Variants in CCDC191 observed in about 807,000 individuals in gnomAD.
The protein encoded by CCDC191 is coiled-coil domain containing 191, also known as coiled-coil domain-containing protein 191.
CCDC191 carries 99 observed loss-of-function variants against 114.0 expected under a neutral mutation model. The observed-to-expected ratio is 0.87, with a 90% CI of 0.74 to 1.03. The LOEUF is 1.03. CCDC191 is among the 50% of genes least tolerant of loss of function. The probability of loss-of-function intolerance (pLI) is 0.00; values close to 1 mark genes in which losing one functional copy is unlikely to be tolerated. For synonymous variants in CCDC191, 351 were observed against 376.0 expected (o/e 0.93, Z 0.77); for missense variants, 973 against 1,087.0 (o/e 0.90, Z 1.47).
chr3:114,048,757 G>A (rs1042388076), intron 2 of CCDC191, among the ~76,000 whole-genome samples: 3 of 152,098 alleles, frequency 2.0e-5, no homozygotes, highest in African/African-American at 7.2e-5. Flanking sequence ...CCATCTTATC[G>A]TATATTTAAT....
At chr3:114,002,853 A>T (rs1430570664) in intron 11 of CCDC191, 7 of 975,254 alleles carry the variant, frequency 7.2e-6, no homozygotes, top group Non-Finnish European at 8.5e-6. Flanking sequence ...TGAAACCCAG[A>T]AACCAGAATT....
chr3:114,004,317 T>A, intron 11 of CCDC191: 1 of 1,002,174 alleles, frequency 1.0e-6, no homozygotes, highest in Non-Finnish European at 1.2e-6. Flanking sequence ...TTACTCAGAG[T>A]TTTCTCATTT....
rs1314005537 is a variant in CCDC191, at chr3:114,046,591, C to G, written c.271G>C (p.Ala91Pro). Residue 91 changes from alanine to proline, a missense_variant and splice_region_variant, in exon 3 of 17, where the codon GCT becomes CCT. Coordinates refer to ENST00000295878, the MANE Select transcript of CCDC191 (RefSeq NM_020817.2). Reference sequence around the variant, plus strand: ...CGCAGCAGAAAATGCATTCTCTTACCTTCTGCATAGATTTCATCATGATCC... The same window carrying G: ...CGCAGCAGAAAATGCATTCTCTTACGTTCTGCATAGATTTCATCATGATCC... Reference protein sequence around the residue: ...IEDHDEIYAEAQELVNDWLDT... With the variant: ...IEDHDEIYAEPQELVNDWLDT... The G allele has an allele frequency of 6.5e-7, 1 of 1,548,106 alleles. No individual in the cohort carries two copies. The highest frequency in any genetic ancestry group is 1.4e-5 in the African/African-American group (1 of 73,574).
intron 2 of CCDC191, chr3:114,047,100 T>G: frequency 1.0e-6 from 1 of 980,780 alleles, no homozygotes; most frequent in Non-Finnish European, 1.2e-6. Flanking sequence ...CCCTTAGGAC[T>G]TGCATATGAA....
At chr3:113,995,680 T>C (rs2075700572) in intron 13 of CCDC191, among the ~76,000 whole-genome samples, 1 of 152,224 alleles carries the variant, frequency 6.6e-6, no homozygotes, top group African/African-American at 2.4e-5. Context: ...TTTCTGGTTC[T>C]AGATCCTTGA....
At chr3:114,056,577 G>A, upstream of CCDC191, 2 of 1,599,436 alleles carry the variant, frequency 1.3e-6, no homozygotes, top group Non-Finnish European at 1.7e-6. Flanking sequence ...AAGGAAAGCA[G>A]GCATAGGACA....
intron 3 of CCDC191, among the ~76,000 whole-genome samples, 175 bp downstream of exon 3, chr3:114,046,416 G>A (rs1412273089): frequency 6.6e-6 from 1 of 152,188 alleles, no homozygotes; most frequent in African/African-American, 2.4e-5. Context: ...TGAGGCTTAA[G>A]TATATCCTTA....
intron 11 of CCDC191, 75 bp from the exon 12 acceptor site, chr3:114,002,613 C>T (rs1332486079): frequency 2.8e-5 from 38 of 1,339,788 alleles, no homozygotes; most frequent in Non-Finnish European, 3.7e-5. Context: ...GAAATGTCTC[C>T]ATTTCATAGT....
intron 13 of CCDC191, among the ~76,000 whole-genome samples, chr3:113,996,854 C>T (rs1010975801): frequency 6.9e-6 from 1 of 145,328 alleles, no homozygotes; most frequent in Non-Finnish European, 1.5e-5. Context: ...AGGAACAACA[C>T]ACACTGGGGC....
At chr3:113,995,034 AC>A (rs1290839894) in intron 13 of CCDC191, among the ~76,000 whole-genome samples, 1 of 152,230 alleles carries the variant, frequency 6.6e-6, no homozygotes, top group African/African-American at 2.4e-5. Context: ...GATAAAAAGG[AC>A]CGAGCTTTTG....
chr3:113,966,075 C>T (rs1373199907), intron 16 of CCDC191, among the ~76,000 whole-genome samples: 1 of 152,086 alleles, frequency 6.6e-6, no homozygotes, highest in African/African-American at 2.4e-5. Context: ...GAAACCACAA[C>T]CCTCAACGCA....
At chr3:113,998,106 G>C (rs1431910302) in intron 13 of CCDC191, among the ~76,000 whole-genome samples, 1 of 151,728 alleles carries the variant, frequency 6.6e-6, no homozygotes, top group Non-Finnish European at 1.5e-5. Context: ...AGGAGTTCGA[G>C]ACTAGCCTGA....
At position 114,001,588 on chromosome 3, in the gene CCDC191, T is replaced by C. The variant is rs764130920; in HGVS notation, c.2163+7A>G. 1.1e-5 allele frequency: 18 copies of C among 1,613,480 alleles called. No homozygotes were observed. The South Asian group carries it at 2.0e-4, about 18-fold the overall frequency. ...ATACAGGGACTGACCAAATAGACAA[T>C]ACTAACCATTTTCTTCAGTCTCTTC... On this transcript the variant is annotated splice_region_variant and intron_variant, in intron 13 of 16. Coordinates refer to ENST00000295878, the MANE Select transcript of CCDC191 (RefSeq NM_020817.2).
chr3:113,967,525 TATAC>T (rs548737860), intron 16 of CCDC191, among the ~76,000 whole-genome samples: 11 of 152,340 alleles, frequency 7.2e-5, no homozygotes, highest in Admixed American at 7.2e-4. Context: ...TGATACATAA[TATAC>T]ATATTTTGGG....
At chr3:114,043,691 T>C (rs1453901608) in intron 3 of CCDC191, among the ~76,000 whole-genome samples, 1 of 152,134 alleles carries the variant, frequency 6.6e-6, no homozygotes, top group Non-Finnish European at 1.5e-5. Context: ...ACTTTGACCA[T>C]TAAGTTAAAA....
intron 13 of CCDC191, among the ~76,000 whole-genome samples, chr3:113,982,870 A>C (rs912438182): frequency 1.3e-5 from 2 of 150,926 alleles, no homozygotes; most frequent in South Asian, 2.1e-4. Context: ...AAAAAAAAAA[A>C]CCAAAAATAA....
intron 13 of CCDC191, among the ~76,000 whole-genome samples, chr3:113,998,238 G>A (rs759352004): frequency 6.7e-6 from 1 of 150,114 alleles, no homozygotes; most frequent in Admixed American, 6.6e-5. Context: ...CCCGGGAGGC[G>A]GAAGTTGCAG....
chr3:114,028,162 AAACAATATTTTG>A (rs2076351035), intron 7 of CCDC191, among the ~76,000 whole-genome samples: 1 of 152,204 alleles, frequency 6.6e-6, no homozygotes, highest in Admixed American at 6.5e-5. Context: ...TAACTCTGGA[AAACAATATTTTG>A]ACTGAATACT....
intron 8 of CCDC191, 94 bp from the exon 9 acceptor site, chr3:114,011,115 A>G: frequency 7.4e-7 from 1 of 1,348,046 alleles, no homozygotes; most frequent in Non-Finnish European, 1.0e-6. Context: ...AGGGTTCTAG[A>G]AATGCTCCAT....
Sources: allele counts gnomAD v4.1 joint callset (sites outside exome capture counted in the v4.1 genomes callset), GRCh38; gene constraint gnomAD v4.1.1; transcripts MANE v1.5; gene names NCBI Gene and HGNC (gene_info 2026-07-23, HGNC 2026-07-21).